CHST11: variants seen among roughly 807,000 people sequenced by gnomAD.
CHST11 encodes the protein carbohydrate sulfotransferase 11.
Under a neutral mutation model 30.4 loss-of-function variants are expected in CHST11, and 9 were observed. That is an observed-to-expected ratio of 0.30 (90% CI 0.18 to 0.52). The LOEUF (loss-of-function observed/expected upper bound fraction) is 0.52. Ranked by LOEUF, CHST11 falls within the 20% of genes least tolerant of loss-of-function variation. The probability of loss-of-function intolerance (pLI) is 0.97; values close to 1 mark genes in which losing one functional copy is unlikely to be tolerated. For synonymous variants in CHST11, 152 were observed against 187.8 expected, an observed-to-expected ratio of 0.81 and a Z score of 1.56; for missense variants, 348 against 460.6, an observed-to-expected ratio of 0.76 and a Z score of 2.24.
intron 2 of CHST11, among the ~76,000 whole-genome samples, chr12:104,697,871 C>G (rs936945724): frequency 2.0e-5 from 3 of 152,148 alleles, no homozygotes; most frequent in Non-Finnish European, 2.9e-5. Flanking sequence ...AGTGGCATGG[C>G]ATGTCAGCCT....
chr12:104,539,787 A>G (rs2038270075), intron 1 of CHST11, among the ~76,000 whole-genome samples: 1 of 152,150 alleles, frequency 6.6e-6, no homozygotes, highest in African/African-American at 2.4e-5. Flanking sequence ...CCTCCTATGG[A>G]TGCTAAAATC....
intron 2 of CHST11, among the ~76,000 whole-genome samples, chr12:104,740,716 C>T (rs960988111): frequency 6.6e-6 from 1 of 152,178 alleles, no homozygotes; most frequent in Non-Finnish European, 1.5e-5. Flanking sequence ...TGATGTCATG[C>T]AATTGAGGGT....
intron 1 of CHST11, among the ~76,000 whole-genome samples, chr12:104,564,427 A>G (rs997889854): frequency 7.2e-5 from 11 of 152,260 alleles, no homozygotes; most frequent in Non-Finnish European, 1.2e-4. Context: ...TCAGCTTCTT[A>G]TCTCTAAAGT....
intron 1 of CHST11, among the ~76,000 whole-genome samples, chr12:104,474,762 A>C (rs1490501938): frequency 2.6e-5 from 4 of 152,212 alleles, no homozygotes; most frequent in African/African-American, 9.6e-5. Context: ...TGGGTGGGGC[A>C]TCAGGGATCT....
At chr12:104,607,194 C>T (rs1222038729) in intron 2 of CHST11, among the ~76,000 whole-genome samples, 2 of 152,120 alleles carry the variant, frequency 1.3e-5, no homozygotes, top group African/African-American at 4.8e-5. Context: ...GAAGGAGTCA[C>T]CCCTGAGAAT....
At chr12:104,609,536 A>T (rs964798740) in intron 2 of CHST11, among the ~76,000 whole-genome samples, 1 of 152,220 alleles carries the variant, frequency 6.6e-6, no homozygotes, top group Non-Finnish European at 1.5e-5. Flanking sequence ...TTTCCAGTCA[A>T]GCCAGGGGAC....
intron 2 of CHST11, among the ~76,000 whole-genome samples, chr12:104,709,285 C>T (rs1394782876): frequency 2.0e-5 from 3 of 152,232 alleles, no homozygotes; most frequent in Non-Finnish European, 4.4e-5. Context: ...AGGGCCTTCT[C>T]TCTCTCCTCA....
At chr12:104,608,600 T>C (rs1013535887) in intron 2 of CHST11, among the ~76,000 whole-genome samples, 1 of 152,176 alleles carries the variant, frequency 6.6e-6, no homozygotes, top group African/African-American at 2.4e-5. Context: ...TGCCTTTCTT[T>C]ACCTACAATT....
In CHST11 at chr12:104,632,806, CG is replaced by C. The variant is rs200394880; in HGVS notation, c.204+30818del. Among the ~76,000 whole-genome samples the C allele has an allele frequency of 8.4e-3, 1,281 of 152,336 alleles. 15 individuals carry two copies. The highest frequency in any genetic ancestry group is 0.02 in the Middle Eastern group (6 of 294). On this transcript the variant is annotated intron_variant, in intron 2 of 2. Coordinates refer to ENST00000303694, the MANE Select transcript of CHST11 (RefSeq NM_018413.6). ...CGCCCACTCGTTCCCGGTCCTCCTC[CG>C]GGAGGAGCCCACAGACACCACACTG... is the stretch of plus-strand genomic sequence containing the variant.
At chr12:104,611,136 A>G (rs78189869) in intron 2 of CHST11, among the ~76,000 whole-genome samples, 3,711 of 152,324 alleles carry the variant, frequency 0.024, 118 homozygotes, top group African/African-American at 0.07. Flanking sequence ...CCACATTTTG[A>G]AAAGGAAAAA....
intron 1 of CHST11, among the ~76,000 whole-genome samples, chr12:104,497,948 A>C: frequency 1.8e-5 from 2 of 111,494 alleles, no homozygotes; most frequent in Non-Finnish European, 1.7e-5. Context: ...ACAGAGTCTC[A>C]CTCTGTTGTC....
intron 2 of CHST11, among the ~76,000 whole-genome samples, chr12:104,750,098 T>C (rs1304340536): frequency 6.6e-6 from 1 of 152,104 alleles, no homozygotes; most frequent in Non-Finnish European, 1.5e-5. Context: ...TAGCTCCATT[T>C]TTATTGTCTT....
intron 1 of CHST11, among the ~76,000 whole-genome samples, chr12:104,555,896 G>GA (rs2038450041): frequency 6.6e-6 from 1 of 152,258 alleles, no homozygotes; most frequent in Non-Finnish European, 1.5e-5. Context: ...TGCTCTCCGG[G>GA]CAGGGAGTCC....
intron 1 of CHST11, among the ~76,000 whole-genome samples, chr12:104,584,424 T>C (rs1172483253): frequency 6.6e-6 from 1 of 151,982 alleles, no homozygotes; most frequent in African/African-American, 2.4e-5. Context: ...GCCTGGCTAA[T>C]TTTTGTATTT....
At chr12:104,734,013 C>T (rs1294064453) in intron 2 of CHST11, among the ~76,000 whole-genome samples, 1 of 152,236 alleles carries the variant, frequency 6.6e-6, no homozygotes, top group Non-Finnish European at 1.5e-5. Flanking sequence ...TCCCCGCCAC[C>T]ACCAGCAATC....
At chr12:104,713,242 A>G (rs917562061) in intron 2 of CHST11, among the ~76,000 whole-genome samples, 5 of 152,082 alleles carry the variant, frequency 3.3e-5, no homozygotes, top group Non-Finnish European at 5.9e-5. Flanking sequence ...TCCAATAGGT[A>G]TTCAAGGATG....
chr12:104,673,492 A>C (rs1232074073), intron 2 of CHST11, among the ~76,000 whole-genome samples: 1 of 152,228 alleles, frequency 6.6e-6, no homozygotes, highest in East Asian at 1.9e-4. Flanking sequence ...TAAAATGGGA[A>C]TGATAATAGT....
intron 2 of CHST11, among the ~76,000 whole-genome samples, chr12:104,694,280 G>A (rs977874604): frequency 2.6e-5 from 4 of 152,062 alleles, no homozygotes; most frequent in African/African-American, 9.7e-5. Context: ...CCCCAGCCAA[G>A]CCACTTAACC....
intron 1 of CHST11, among the ~76,000 whole-genome samples, chr12:104,576,503 A>G (rs745744906): frequency 6.6e-6 from 1 of 152,212 alleles, no homozygotes; most frequent in Non-Finnish European, 1.5e-5. Flanking sequence ...TGAGCCTGTT[A>G]CTTGTTCAAG....
Sources: gnomAD v4.1 joint callset for allele counts (sites outside exome capture counted in the v4.1 genomes callset) on GRCh38, gnomAD v4.1.1 for gene constraint, MANE v1.5 for transcripts, NCBI Gene and HGNC (gene_info 2026-07-23, HGNC 2026-07-21) for gene names.